ACOX1: variants seen among roughly 807,000 people sequenced by gnomAD.
ACOX1 encodes the protein acyl-CoA oxidase 1.
ACOX1 carries 41 observed loss-of-function variants against 75.5 expected under a neutral mutation model. That is an observed-to-expected ratio of 0.54 (90% CI 0.42 to 0.70). The LOEUF (loss-of-function observed/expected upper bound fraction) is 0.70. Ranked by LOEUF, ACOX1 falls within the 30% of genes least tolerant of loss-of-function variation. ACOX1 has a pLI of 0.00. For missense variants in ACOX1, 630 were observed against 837.5 expected (o/e 0.75, Z 3.06); for synonymous variants, 303 against 298.8 (o/e 1.01, Z -0.15).
At chr17:75,976,112 C>T (rs766893761) in intron 2 of ACOX1, among the ~76,000 whole-genome samples, 13 of 152,008 alleles carry the variant, frequency 8.6e-5, no homozygotes, top group Admixed American at 1.3e-4. Context: ...CGATAGCATG[C>T]GATAATTTCC....
intron 2 of ACOX1, among the ~76,000 whole-genome samples, chr17:75,976,709 A>C (rs1344369786): frequency 2.0e-5 from 3 of 152,174 alleles, no homozygotes; most frequent in Non-Finnish European, 4.4e-5. Flanking sequence ...TCTTCACAAA[A>C]ATAACCCAAG....
At chr17:75,966,130 G>A (rs1387935698) in intron 2 of ACOX1, among the ~76,000 whole-genome samples, 5 of 143,112 alleles carry the variant, frequency 3.5e-5, no homozygotes, top group Non-Finnish European at 3.1e-5. Flanking sequence ...ACTCCATCTC[G>A]AAAAAGAAAA....
In ACOX1 at chr17:75,960,657, G is replaced by A. The variant is rs1039230100; in HGVS notation, c.270-282C>T. Reference sequence around the variant, plus strand: ...CACACGTGCAAGGCAGAGGATCCTCGCCCAGGAATTAAATCAAAGGAAATA... The same window carrying A: ...CACACGTGCAAGGCAGAGGATCCTCACCCAGGAATTAAATCAAAGGAAATA... On this transcript the variant is annotated intron_variant, in intron 2 of 13. Coordinates refer to ENST00000293217, the MANE Select transcript of ACOX1 (RefSeq NM_004035.7). This position sits in a 1 kb window ranked among gnomAD's most constrained non-coding sequence, Gnocchi z 4.4. Among the ~76,000 whole-genome samples the A allele has an allele frequency of 2.6e-5, 4 of 152,104 alleles. No homozygotes were observed. Among genetic ancestry groups the A allele is most frequent in the African/African-American group, 9.7e-5 (4 of 41,404 alleles).
At chr17:75,951,372 G>T (rs376134866) in intron 8 of ACOX1, 43 bp downstream of exon 8, 2 of 1,612,230 alleles carry the variant, frequency 1.2e-6, no homozygotes, top group Admixed American at 3.3e-5. Context: ...AGGCAACCAC[G>T]AAACAGAAGG....
rs182362584 is a variant in ACOX1, at chr17:75,948,953, G to C, written c.1728+264C>G. Reference sequence around the variant, plus strand: ...TGGCTCACTGCAACCTCTGCCTCCAGGGTTCAAATGATTCTCGTGCCTCAG... The same window carrying C: ...TGGCTCACTGCAACCTCTGCCTCCACGGTTCAAATGATTCTCGTGCCTCAG... On this transcript the variant is annotated intron_variant, in intron 12 of 13. Coordinates refer to ENST00000293217, the MANE Select transcript of ACOX1 (RefSeq NM_004035.7). 7.3e-5 allele frequency among the ~76,000 whole-genome samples: 11 copies of C among 151,060 alleles called. No individual in the cohort carries two copies. The East Asian group carries it at 1.6e-3, about 21-fold the overall frequency.
rs1477116418 is a variant in ACOX1 at position 75,957,460 on chromosome 17, C to T, written c.537G>A (p.Gly179=). The T allele has an allele frequency of 1.2e-6, 2 of 1,612,744 alleles. No individual in the cohort carries two copies. Among genetic ancestry groups the T allele is most frequent in the Non-Finnish European group, 8.5e-7 (1 of 1,178,910 alleles). Residue 179 remains glycine (G), a splice_region_variant and synonymous_variant, in exon 4 of 14, where the codon GGG becomes GGA. Transcript: ENST00000293217. ...ATAAATGCTGAAAAATTCACTTACG[C>T]CCACCAGGCCACCATTTAATGGAGG... ...TVTSIKWWPG[G]LGKTSNHAIV...
In ACOX1 at chr17:75,978,808, C is replaced by A. The variant is rs1364590031; in HGVS notation, c.110-115G>T. Reference sequence around the variant, plus strand: ...GGACACACCTGGGGAATGGCGATATCCCCCCACCAGGGACACAGGCTGTTC... The same window carrying A: ...GGACACACCTGGGGAATGGCGATATACCCCCACCAGGGACACAGGCTGTTC... On this transcript the variant is annotated intron_variant, in intron 1 of 13. Coordinates refer to ENST00000293217, the MANE Select transcript of ACOX1 (RefSeq NM_004035.7). The surrounding 1 kb of genome is among the most constrained non-coding windows in gnomAD (Gnocchi z 4.2). 1 of 1,602,974 alleles carries A rather than the reference C, an allele frequency of 6.2e-7. No individual in the cohort carries two copies. Among genetic ancestry groups the A allele is most frequent in the African/African-American group, 1.3e-5 (1 of 74,858 alleles).
chr17:75,965,990 C>CT (rs1284905279), intron 2 of ACOX1, among the ~76,000 whole-genome samples: 1 of 151,646 alleles, frequency 6.6e-6, no homozygotes. Flanking sequence ...ATTAGATGGG[C>CT]ATGGTAGCAC....
rs537011844 is a variant in ACOX1, at chr17:75,943,689, T to C, written c.*3059A>G. 1 of 152,362 alleles carries C rather than the reference T, an allele frequency of 6.6e-6. No homozygotes were observed. The highest frequency in any genetic ancestry group is 1.9e-4 in the East Asian group (1 of 5,192). 9.4% of individuals were successfully genotyped at this position (152,362 alleles called of 1,614,324 possible). On this transcript the variant is annotated 3_prime_UTR_variant, in exon 14 of 14. Coordinates refer to ENST00000293217, the MANE Select transcript of ACOX1 (RefSeq NM_004035.7). ...AAGATAAGCTGATACTTAGTAGTGA[T>C]ATGTTCTAAAGACAAGAACATGAGG...
At chr17:75,965,255 G>A (rs1382214677) in intron 2 of ACOX1, among the ~76,000 whole-genome samples, 8 of 149,482 alleles carry the variant, frequency 5.4e-5, no homozygotes, top group African/African-American at 1.5e-4. Flanking sequence ...GGAGAATGGC[G>A]TGAACCCAGG....
chr17:75,951,622 T>C (rs1469637237), intron 7 of ACOX1, 45 bp from the exon 8 acceptor site: 2 of 1,599,524 alleles, frequency 1.3e-6, no homozygotes, highest in Non-Finnish European at 1.7e-6. Context: ...TAAATGTTTA[T>C]ACAGAACTTT....
chr17:75,946,783 A>G lies in ACOX1; in HGVS notation c.1948T>C (p.Tyr650His), dbSNP rs968490534. Residue 650 changes from tyrosine (Y) to histidine (H), a missense_variant, in exon 14 of 14, where the codon TAC becomes CAC. Tyr to His is a moderately conservative substitution (Grantham distance 83, BLOSUM62 2). Coordinates refer to ENST00000293217, the MANE Select transcript of ACOX1 (RefSeq NM_004035.7). ...GACTGCAGTGACTTCAGGTGCTTGT[A>G]AGATTCGTGGACCTGTGGGGAAAGG... Reference protein sequence around the residue: ...PLNKAEVHESYKHLKSLQSKL With the variant: ...PLNKAEVHESHKHLKSLQSKL 2 of 1,613,984 alleles carry G rather than the reference A, an allele frequency of 1.2e-6. No homozygotes were observed. Among genetic ancestry groups the G allele is most frequent in the Non-Finnish European group, 1.7e-6 (2 of 1,179,874 alleles).
chr17:75,954,568 CTTTTTTTTTT>C (rs778030630), intron 6 of ACOX1, among the ~76,000 whole-genome samples: 4 of 115,658 alleles, frequency 3.5e-5, no homozygotes, highest in African/African-American at 1.4e-4. Context: ...TTATTAGCTC[CTTTTTTTTTT>C]TTTTTTTTTT....
intron 2 of ACOX1, among the ~76,000 whole-genome samples, chr17:75,965,502 G>A (rs2065923790): frequency 1.3e-5 from 2 of 151,742 alleles, no homozygotes; most frequent in African/African-American, 4.8e-5. Flanking sequence ...TTTAATTCCT[G>A]TAGAATTTTT....
In ACOX1 at chr17:75,949,722, C is replaced by T. The variant is rs2144237294; in HGVS notation, c.1474G>A (p.Ala492Thr). The change falls in exon 10 of 14, where the codon GCC (alanine) becomes ACC (threonine). Residue 492 changes from alanine to threonine, a missense_variant. By Grantham distance (58) the Ala-to-Thr change is moderately conservative (BLOSUM62 0). Coordinates refer to ENST00000293217, the MANE Select transcript of ACOX1 (RefSeq NM_004035.7). ...AGCTCTTGAGGGAGAGCTCACCTGG[C>T]TGCACGGAGTTTATATGCTTCGGTT... ...SLTEAYKLRA[A>T]RLVEIAAKNL... 2 of 1,614,204 alleles carry T rather than the reference C, an allele frequency of 1.2e-6. No individual in the cohort carries two copies. The highest frequency in any genetic ancestry group is 8.5e-7 in the Non-Finnish European group (1 of 1,180,040).
At chr17:75,959,283 C>G (rs751808763) in intron 3 of ACOX1, among the ~76,000 whole-genome samples, 3 of 152,186 alleles carry the variant, frequency 2.0e-5, no homozygotes, top group Non-Finnish European at 4.4e-5. Context: ...ATCAAAGAAG[C>G]AGCTTTTACA....
chr17:75,952,481 G>T (rs570866480), intron 7 of ACOX1, among the ~76,000 whole-genome samples: 1 of 151,694 alleles, frequency 6.6e-6, no homozygotes, highest in South Asian at 2.1e-4. Context: ...TTTAGTAGAC[G>T]TGGGGTTTCT....
Position 75,948,840 on chromosome 17 carries a change from G to A in ACOX1, c.1728+377C>T, listed in dbSNP as rs370907979. ...GTTGGGATTACAGGCATGAGCCACT[G>A]TGCCTGGCTATTTTTCTTTTTCTTT... On this transcript the variant is annotated intron_variant, in intron 12 of 13. Transcript: ENST00000293217. Among the ~76,000 whole-genome samples the A allele has an allele frequency of 4.6e-5, 7 of 150,712 alleles. No individual in the cohort carries two copies. The South Asian group carries it at 1.5e-3, about 32-fold the overall frequency.
At chr17:75,951,294 A>T (rs1438607193) in intron 8 of ACOX1, 121 bp downstream of exon 8, 3 of 1,248,580 alleles carry the variant, frequency 2.4e-6, no homozygotes, top group Non-Finnish European at 3.4e-6. Context: ...CAACCAGAAG[A>T]AGTTCTCAGA....
Sources: gnomAD v4.1 joint callset for allele counts (sites outside exome capture counted in the v4.1 genomes callset) on GRCh38, gnomAD v4.1.1 for gene constraint, Gnocchi (gnomAD v3.1) non-coding constraint, MANE v1.5 for transcripts, NCBI Gene and HGNC (gene_info 2026-07-23, HGNC 2026-07-21) for gene names.